LINGO2: variants seen among roughly 807,000 people sequenced by gnomAD.
LINGO2 encodes the protein leucine rich repeat and Ig domain containing 2, also known as leucine-rich repeat and immunoglobulin-like domain-containing nogo receptor-interacting protein 2.
Under a neutral mutation model 30.6 loss-of-function variants are expected in LINGO2, and 14 were observed. The ratio of observed to expected loss-of-function variants is 0.46; its 90% CI spans 0.30 to 0.72. The LOEUF (loss-of-function observed/expected upper bound fraction) is 0.72. LINGO2 is among the 30% of genes least tolerant of loss of function. The pLI is 0.07. For synonymous variants in LINGO2, 317 were observed against 288.5 expected (o/e 1.10, Z -1.00); for missense variants, 729 against 751.7 (o/e 0.97, Z 0.35).
Position 28,356,233 on chromosome 9 carries a change from A to T in LINGO2, c.-246+16603T>A, listed in dbSNP as rs183996481. Among the ~76,000 whole-genome samples, 1,414 of 151,544 alleles carry T rather than the reference A, an allele frequency of 9.3e-3. 7 individuals are homozygous for T. The highest frequency in any genetic ancestry group is 0.012 in the Non-Finnish European group (790 of 67,956). On this transcript the variant is annotated intron_variant, in intron 3 of 5. Coordinates refer to ENST00000379992, the Ensembl canonical transcript of LINGO2. ...ACATTACAGATGTAGAGATTTTTTTAAAAAAAATCATTGAATATCATGATG... is the reference window on the plus strand; with the variant it reads ...ACATTACAGATGTAGAGATTTTTTTTAAAAAAATCATTGAATATCATGATG...
intron 4 of LINGO2, among the ~76,000 whole-genome samples, chr9:28,108,076 G>A (rs1381275837): frequency 2.0e-5 from 3 of 152,120 alleles, no homozygotes; most frequent in African/African-American, 7.2e-5. Context: ...TAGCAGCACT[G>A]CCAGAACCTC....
intron 1 of LINGO2, among the ~76,000 whole-genome samples, chr9:28,476,259 T>C (rs1825722236): frequency 6.6e-6 from 1 of 152,180 alleles, no homozygotes; most frequent in African/African-American, 2.4e-5. Flanking sequence ...TCTATTAAAA[T>C]TAATCATTAA....
At chr9:28,729,382 T>G in the LINGO2 span, among the ~76,000 whole-genome samples, 1 of 152,030 alleles carries the variant, frequency 6.6e-6, no homozygotes, top group Non-Finnish European at 1.5e-5. Flanking sequence ...CTGAGAAAAT[T>G]TTCTTACATG....
At chr9:28,093,812 A>G (rs1336074279) in intron 4 of LINGO2, among the ~76,000 whole-genome samples, 1 of 151,952 alleles carries the variant, frequency 6.6e-6, no homozygotes, top group Non-Finnish European at 1.5e-5. Flanking sequence ...CTCCGGGAAG[A>G]CCTTGAAATG....
intron 4 of LINGO2, among the ~76,000 whole-genome samples, chr9:28,227,374 C>A (rs1393563096): frequency 6.6e-6 from 1 of 152,028 alleles, no homozygotes; most frequent in African/African-American, 2.4e-5. Flanking sequence ...GGTTGAACTT[C>A]TTTTTGCTAT....
At chr9:28,286,968 A>G (rs1319297161) in intron 4 of LINGO2, among the ~76,000 whole-genome samples, 2 of 152,148 alleles carry the variant, frequency 1.3e-5, no homozygotes, top group African/African-American at 4.8e-5. Flanking sequence ...AAAGTTAAAA[A>G]AATATATAGA....
the LINGO2 span, among the ~76,000 whole-genome samples, chr9:28,687,802 C>T: frequency 6.6e-6 from 1 of 151,870 alleles, no homozygotes; most frequent in Non-Finnish European, 1.5e-5. Flanking sequence ...TACAACAATT[C>T]AATATTTTGA....
chr9:28,545,684 G>A, intron 1 of LINGO2, among the ~76,000 whole-genome samples: 1 of 151,972 alleles, frequency 6.6e-6, no homozygotes, highest in East Asian at 1.9e-4. Flanking sequence ...GTGGTCCTTA[G>A]GTGCTAGCCT....
At chr9:29,182,874 T>G in the LINGO2 span, among the ~76,000 whole-genome samples, 1 of 152,028 alleles carries the variant, frequency 6.6e-6, no homozygotes, top group Non-Finnish European at 1.5e-5. Context: ...AAAGAAGAGA[T>G]AAAAATCCAC....
intron 4 of LINGO2, among the ~76,000 whole-genome samples, chr9:28,212,742 A>T (rs1820635046): frequency 6.6e-6 from 1 of 151,420 alleles, no homozygotes; most frequent in African/African-American, 2.4e-5. Context: ...CAGTCACACT[A>T]GCCACATTTC....
At chr9:28,159,959 A>G (rs1193826994) in intron 4 of LINGO2, among the ~76,000 whole-genome samples, 1 of 152,158 alleles carries the variant, frequency 6.6e-6, no homozygotes, top group African/African-American at 2.4e-5. Context: ...TGGAAATCCT[A>G]ACCCAAACTC....
chr9:29,192,116 G>A, the LINGO2 span, among the ~76,000 whole-genome samples: 1 of 151,946 alleles, frequency 6.6e-6, no homozygotes, highest in Non-Finnish European at 1.5e-5. Flanking sequence ...CAGAATCAAT[G>A]TTATAAATTG....
At chr9:28,226,561 A>G (rs142452196) in intron 4 of LINGO2, among the ~76,000 whole-genome samples, 246 of 151,474 alleles carry the variant, frequency 1.6e-3, no homozygotes, top group African/African-American at 5.8e-3. Flanking sequence ...TCATTGAGGA[A>G]GGGTCGGAAG....
At chr9:28,925,295 G>A in the LINGO2 span, among the ~76,000 whole-genome samples, 1 of 152,108 alleles carries the variant, frequency 6.6e-6, no homozygotes, top group Non-Finnish European at 1.5e-5. Context: ...TTGTTTACCT[G>A]GGGATCTTGA....
At chr9:28,305,949 T>C (rs1454569549) in intron 3 of LINGO2, among the ~76,000 whole-genome samples, 1 of 152,114 alleles carries the variant, frequency 6.6e-6, no homozygotes, top group Non-Finnish European at 1.5e-5. Context: ...AAGATCTCTC[T>C]CTAAATCATA....
intron 4 of LINGO2, among the ~76,000 whole-genome samples, chr9:28,277,876 C>A (rs375287309): frequency 4.0e-5 from 6 of 150,390 alleles, no homozygotes; most frequent in Non-Finnish European, 5.9e-5. Context: ...TAGAAATGAT[C>A]GAGCTTAGTG....
the LINGO2 span, among the ~76,000 whole-genome samples, chr9:28,941,207 G>A: frequency 2.6e-5 from 4 of 152,130 alleles, no homozygotes; most frequent in Non-Finnish European, 5.9e-5. Flanking sequence ...AAAACTTAGA[G>A]ACTCTGACCA....
the LINGO2 span, among the ~76,000 whole-genome samples, chr9:28,951,836 C>G: frequency 6.6e-6 from 1 of 152,050 alleles, no homozygotes; most frequent in South Asian, 2.1e-4. Flanking sequence ...AATATTTAAT[C>G]CACCCATTAT....
At chr9:28,725,192 C>T in the LINGO2 span, among the ~76,000 whole-genome samples, 7 of 151,814 alleles carry the variant, frequency 4.6e-5, no homozygotes, top group Admixed American at 3.9e-4. Context: ...ATTTATCACA[C>T]GTATTACCTA....
Sources: allele counts gnomAD v4.1 joint callset (sites outside exome capture counted in the v4.1 genomes callset), GRCh38; gene constraint gnomAD v4.1.1; transcripts MANE v1.5; gene names NCBI Gene and HGNC (gene_info 2026-07-23, HGNC 2026-07-21).